Variants in DNAJB14 observed in about 807,000 individuals in gnomAD.
The protein encoded by DNAJB14 is DnaJ heat shock protein family (Hsp40) member B14.
Under a neutral mutation model 48.4 loss-of-function variants are expected in DNAJB14, and 22 were observed. The ratio of observed to expected loss-of-function variants is 0.45; its 90% CI spans 0.32 to 0.65. The LOEUF (loss-of-function observed/expected upper bound fraction) is 0.65, where lower values mean the gene tolerates loss of function less well. Ranked by LOEUF, DNAJB14 falls within the 30% of genes least tolerant of loss-of-function variation. The pLI is 0.03. For synonymous variants in DNAJB14, 142 were observed against 158.7 expected, an observed-to-expected ratio of 0.89 and a Z score of 0.79; for missense variants, 319 against 458.8, an observed-to-expected ratio of 0.70 and a Z score of 2.78.
intron 1 of DNAJB14, chr4:99,942,477 T>C (rs1325414977): frequency 6.6e-6 from 1 of 152,116 alleles, no homozygotes; most frequent in Non-Finnish European, 1.5e-5. Context: ...GTTACTGAGT[T>C]CTGCTTACTG....
chr4:99,940,620 G>A (rs1216922390), intron 1 of DNAJB14, among the ~76,000 whole-genome samples: 2 of 151,798 alleles, frequency 1.3e-5, no homozygotes, highest in Non-Finnish European at 2.9e-5. Context: ...AAATAACAAA[G>A]TAAAAATCAC....
intron 1 of DNAJB14, among the ~76,000 whole-genome samples, chr4:99,933,581 A>G (rs1352385778): frequency 6.6e-6 from 1 of 152,170 alleles, no homozygotes; most frequent in African/African-American, 2.4e-5. Flanking sequence ...TACAGGCGTG[A>G]GCCACACGCC....
intron 2 of DNAJB14, chr4:99,924,680 T>C: frequency 6.3e-7 from 1 of 1,583,036 alleles, no homozygotes; most frequent in East Asian, 2.2e-5. Flanking sequence ...CCCACCTGTG[T>C]AGAGACTCAT....
chr4:99,936,588 T>C (rs1578237054), intron 1 of DNAJB14, among the ~76,000 whole-genome samples: 1 of 152,226 alleles, frequency 6.6e-6, no homozygotes, highest in African/African-American at 2.4e-5. Flanking sequence ...AAATACCATT[T>C]TCCAGTAAAA....
At chr4:99,938,889 C>T (rs1578239359) in intron 1 of DNAJB14, among the ~76,000 whole-genome samples, 1 of 151,934 alleles carries the variant, frequency 6.6e-6, no homozygotes, top group Non-Finnish European at 1.5e-5. Flanking sequence ...TTCCTGAAAA[C>T]TGATAAAAGC....
rs370520690 is a variant in DNAJB14 at position 99,901,007 on chromosome 4, G to T, written c.*21C>A. On this transcript the variant is annotated 3_prime_UTR_variant, in exon 8 of 8. Transcript: ENST00000442697. ...AGAAAAAATAAAGAGTACGCTAAAA[G>T]GTATAAATAAAAATTCCAGTTCATC... The T allele has an allele frequency of 1.3e-5, 21 of 1,598,790 alleles. No homozygotes were observed. The African/African-American group carries it at 2.4e-4, about 19-fold the overall frequency.
chr4:99,913,127 A>G (rs1052221116), intron 3 of DNAJB14, among the ~76,000 whole-genome samples: 43 of 152,220 alleles, frequency 2.8e-4, no homozygotes, highest in South Asian at 2.1e-4. Context: ...TCATTTGCAC[A>G]TAACAACAGT....
rs59597113 is a variant in DNAJB14 at position 99,938,097 on chromosome 4, C to CAAAAAAAAAA, written c.134-7486_134-7477dup. Among the ~76,000 whole-genome samples, 149 of 40,976 alleles carry CAAAAAAAAAA rather than the reference C, an allele frequency of 3.6e-3. 13 individuals are homozygous for CAAAAAAAAAA. The highest frequency in any genetic ancestry group is 4.9e-3 in the African/African-American group (62 of 12,712). 26.9% of individuals were successfully genotyped at this position (40,976 alleles called of 152,430 possible). A position where few individuals can be genotyped will look rare whatever the true frequency, so the allele number is the denominator to read the frequency against. On this transcript the variant is annotated intron_variant, in intron 1 of 7. Transcript: ENST00000442697. ...ACATGGCGAAACCATGTTAAAAATA[C>CAAAAAAAAAA]AAAAAAAAAAAAAAAAAAAAAAAAA...
intron 1 of DNAJB14, among the ~76,000 whole-genome samples, chr4:99,940,955 T>A (rs891487817): frequency 1.4e-4 from 21 of 151,102 alleles, no homozygotes; most frequent in African/African-American, 4.6e-4. Context: ...ATATATATTT[T>A]TTTTTTGGAA....
At chr4:99,942,535 T>C (rs1726923154) in intron 1 of DNAJB14, 1 of 152,124 alleles carries the variant, frequency 6.6e-6, no homozygotes, top group Non-Finnish European at 1.5e-5. Context: ...GCTATTCATA[T>C]ATATCAATAC....
At chr4:99,903,217 T>G (rs985301464) in intron 7 of DNAJB14, among the ~76,000 whole-genome samples, 4 of 152,120 alleles carry the variant, frequency 2.6e-5, no homozygotes, top group Non-Finnish European at 4.4e-5. Context: ...TTAAGAAAAC[T>G]GAGGCTGGAA....
At chr4:99,915,071 G>T (rs957615422) in intron 3 of DNAJB14, among the ~76,000 whole-genome samples, 5 of 152,024 alleles carry the variant, frequency 3.3e-5, no homozygotes, top group Admixed American at 3.3e-4. Context: ...TTCTAGATTT[G>T]TAAGGTAGAA....
rs1228124107 is a variant in DNAJB14, at chr4:99,903,731, T to C, written c.1010A>G (p.Gln337Arg). ...TAAACACATGACAAACTTACTTTGT[T>C]GTCTTTCTTTCCAGCAGTTATTTCG... ...NIRNNCWKER[Q>R]QKTDMQYAAK... The change falls in exon 7 of 8, where the codon CAA (glutamine) becomes CGA (arginine). Residue 337 changes from glutamine (Q) to arginine (R), a missense_variant. Physicochemically the swap from Gln to Arg is conservative, Grantham distance 43 (BLOSUM62 1). Around this residue, in one of 3 missense-constraint regions of DNAJB14, gnomAD observed 166 missense variants for 236.3 expected, o/e 0.70. Transcript: ENST00000442697. The C allele has an allele frequency of 6.2e-7, 1 of 1,607,004 alleles. No individual in the cohort carries two copies. The highest frequency in any genetic ancestry group is 1.3e-5 in the African/African-American group (1 of 74,258).
intron 1 of DNAJB14, among the ~76,000 whole-genome samples, chr4:99,938,079 G>A (rs1240921389): frequency 6.2e-5 from 5 of 80,170 alleles, no homozygotes; most frequent in Non-Finnish European, 1.1e-4. Context: ...CTAACATGGC[G>A]AAACCATGTT....
At chr4:99,907,240 G>A (rs1725498193) in intron 4 of DNAJB14, among the ~76,000 whole-genome samples, 1 of 152,080 alleles carries the variant, frequency 6.6e-6, no homozygotes, top group Non-Finnish European at 1.5e-5. Context: ...TATACTTCCA[G>A]TCAAAATTAC....
chr4:99,909,715 CA>C (rs1471951366), intron 3 of DNAJB14, among the ~76,000 whole-genome samples: 2 of 151,910 alleles, frequency 1.3e-5, no homozygotes, highest in Non-Finnish European at 2.9e-5. Flanking sequence ...ACAGCATAAG[CA>C]TTTCCAATCT....
intron 2 of DNAJB14, chr4:99,924,588 A>G (rs755193952): frequency 1.5e-6 from 1 of 680,432 alleles, no homozygotes; most frequent in Non-Finnish European, 2.2e-6. Flanking sequence ...TATTTAGTCA[A>G]TAATATTTAT....
Position 99,908,902 on chromosome 4 carries a change from A to AAAGT in DNAJB14, c.452-10_452-7dup, listed in dbSNP as rs1398812340. ...AGCATAAGCATTTCCAATCTCTGAA[A>AAAGT]AAGTAATGAGTAAAAGTTGGTAAGC... On this transcript the variant is annotated splice_region_variant and splice_polypyrimidine_tract_variant and intron_variant, in intron 3 of 7. Coordinates refer to ENST00000442697, the MANE Select transcript of DNAJB14 (RefSeq NM_001031723.4). 1.3e-6 allele frequency: 2 copies of AAAGT among 1,537,102 alleles called. No individual in the cohort carries two copies. Among genetic ancestry groups the AAAGT allele is most frequent in the Non-Finnish European group, 1.7e-6 (2 of 1,146,102 alleles).
intron 1 of DNAJB14, 56 bp downstream of exon 1, chr4:99,946,365 CGAGGTGGGGGCAGGGGCG>C (rs1727075994): frequency 6.5e-7 from 1 of 1,545,010 alleles, no homozygotes. Context: ...CAGGAGGGGC[CGAGGTGGGGGCAGGGGCG>C]GGCTACGCGG....
Sources: gnomAD v4.1 joint callset for allele counts (sites outside exome capture counted in the v4.1 genomes callset) on GRCh38, gnomAD v4.1.1 for gene constraint, gnomAD v4.1.1 regional missense constraint, MANE v1.5 for transcripts, NCBI Gene and HGNC (gene_info 2026-07-23, HGNC 2026-07-21) for gene names.